The following RAPGEF6 variants were observed in gnomAD, a reference collection of about 807,000 sequenced individuals.
RAPGEF6 encodes the protein Rap guanine nucleotide exchange factor 6.
RAPGEF6 carries 56 observed loss-of-function variants against 171.4 expected under a neutral mutation model. The ratio of observed to expected loss-of-function variants is 0.33; its 90% CI spans 0.26 to 0.41. RAPGEF6 has a LOEUF of 0.41. Among genes scored for constraint, RAPGEF6 ranks in the 10% least tolerant of loss-of-function variants. RAPGEF6 has a pLI of 1.00. For synonymous variants in RAPGEF6, 692 were observed against 650.1 expected (o/e 1.06, Z -0.98); for missense variants, 1,674 against 1,921.4 (o/e 0.87, Z 2.41).
chr5:131,523,376 A>T (rs1183232002), intron 6 of RAPGEF6, among the ~76,000 whole-genome samples: 2 of 148,228 alleles, frequency 1.3e-5, no homozygotes, highest in African/African-American at 2.5e-5. Flanking sequence ...CTCACTGGTC[A>T]GAATTGGTCC....
chr5:131,511,621 T>C (rs1561524336), intron 7 of RAPGEF6, among the ~76,000 whole-genome samples: 1 of 151,728 alleles, frequency 6.6e-6, no homozygotes, highest in African/African-American at 2.4e-5. Context: ...CTGAACGCCC[T>C]GAATACCTGG....
At chr5:131,530,189 A>C (rs1242331267) in intron 6 of RAPGEF6, among the ~76,000 whole-genome samples, 5 of 151,836 alleles carry the variant, frequency 3.3e-5, no homozygotes, top group Admixed American at 3.3e-4. Flanking sequence ...CTACTAATAA[A>C]AGTAATTAAC....
chr5:131,621,003 A>G (rs1363753364), intron 1 of RAPGEF6, among the ~76,000 whole-genome samples: 2 of 152,210 alleles, frequency 1.3e-5, no homozygotes, highest in African/African-American at 4.8e-5. Context: ...CAATTCCTCC[A>G]GCTTCATCTA....
intron 19 of RAPGEF6, 51 bp downstream of exon 19, chr5:131,461,654 C>A: frequency 2.7e-6 from 4 of 1,489,082 alleles, no homozygotes; most frequent in Admixed American, 2.1e-5. Context: ...AAATCAGCTG[C>A]ATGTAATGAC....
intron 21 of RAPGEF6, chr5:131,447,458 A>G (rs1752792772): frequency 6.6e-6 from 1 of 152,066 alleles, no homozygotes; most frequent in African/African-American, 2.4e-5. Flanking sequence ...ATTCAAACAA[A>G]CTACAGCTTC....
At chr5:131,586,994 A>G (rs1580628995) in intron 4 of RAPGEF6, among the ~76,000 whole-genome samples, 1 of 152,310 alleles carries the variant, frequency 6.6e-6, no homozygotes, top group Middle Eastern at 3.4e-3. Context: ...TGCTGTGAGG[A>G]AGAGCCTGGC....
At chr5:131,434,697 G>A (rs1751914482) in intron 24 of RAPGEF6, among the ~76,000 whole-genome samples, 1 of 152,146 alleles carries the variant, frequency 6.6e-6, no homozygotes, top group Non-Finnish European at 1.5e-5. Flanking sequence ...GTTGTTCTGT[G>A]ACTTACTGCA....
chr5:131,472,260 A>G, intron 17 of RAPGEF6: 1 of 341,876 alleles, frequency 2.9e-6, no homozygotes, highest in Non-Finnish European at 5.8e-6. Flanking sequence ...TTTAGTAGAG[A>G]TGGTGTTTCA....
At chr5:131,476,188 C>T (rs1207640438) in intron 16 of RAPGEF6, among the ~76,000 whole-genome samples, 2 of 152,136 alleles carry the variant, frequency 1.3e-5, no homozygotes, top group Non-Finnish European at 2.9e-5. Flanking sequence ...ATTTAGGGTG[C>T]TCCAACTTTT....
At chr5:131,520,199 T>G (rs967750617) in intron 7 of RAPGEF6, among the ~76,000 whole-genome samples, 2 of 152,212 alleles carry the variant, frequency 1.3e-5, no homozygotes, top group African/African-American at 4.8e-5. Context: ...AGAACCAGTC[T>G]AAAATGCTTT....
At chr5:131,560,889 C>G (rs534993373) in intron 5 of RAPGEF6, among the ~76,000 whole-genome samples, 8 of 152,308 alleles carry the variant, frequency 5.3e-5, no homozygotes, top group African/African-American at 1.9e-4. Context: ...ATCAATCTGA[C>G]TATAGCACCA....
At chr5:131,584,307 A>G (rs1333990828) in intron 4 of RAPGEF6, among the ~76,000 whole-genome samples, 1 of 152,244 alleles carries the variant, frequency 6.6e-6, no homozygotes, top group African/African-American at 2.4e-5. Flanking sequence ...ATAGAATAAT[A>G]ATGAAACTGC....
At chr5:131,621,242 G>A (rs1025145046) in intron 1 of RAPGEF6, among the ~76,000 whole-genome samples, 1 of 152,140 alleles carries the variant, frequency 6.6e-6, no homozygotes, top group Non-Finnish European at 1.5e-5. Context: ...ATATAAAATG[G>A]TGTAGTATTT....
intron 4 of RAPGEF6, among the ~76,000 whole-genome samples, chr5:131,570,586 A>G (rs1762218697): frequency 6.6e-6 from 1 of 152,228 alleles, no homozygotes; most frequent in Admixed American, 6.5e-5. Flanking sequence ...GGATAGACAA[A>G]ATGCAGTATC....
At chr5:131,532,727 G>C (rs1759478997) in intron 6 of RAPGEF6, among the ~76,000 whole-genome samples, 1 of 151,432 alleles carries the variant, frequency 6.6e-6, no homozygotes, top group African/African-American at 2.4e-5. Context: ...TGCCGTAACA[G>C]GTTTGTCCTG....
rs1751357516 is a variant in RAPGEF6, at chr5:131,425,574, C to T, written c.*1692G>A. The T allele has an allele frequency of 6.6e-6, 1 of 152,294 alleles. No homozygotes were observed. Among genetic ancestry groups the T allele is most frequent in the Admixed American group, 6.5e-5 (1 of 15,284 alleles). The allele number at this position is 152,294 out of a possible 1,614,324, so 9.4% of individuals were successfully genotyped here. On this transcript the variant is annotated 3_prime_UTR_variant, in exon 28 of 28. Coordinates refer to ENST00000509018, the MANE Select transcript of RAPGEF6 (RefSeq NM_016340.6). Reference sequence around the variant, plus strand: ...TCATACCTGCGATTAATTTCTAAGGCTTAAGTTTCAGATTAATGTTTCTTT... The same window carrying T: ...TCATACCTGCGATTAATTTCTAAGGTTTAAGTTTCAGATTAATGTTTCTTT...
intron 16 of RAPGEF6, among the ~76,000 whole-genome samples, chr5:131,474,703 A>C (rs1248740361): frequency 6.6e-6 from 1 of 152,188 alleles, no homozygotes; most frequent in Non-Finnish European, 1.5e-5. Flanking sequence ...TTAGAGTTAA[A>C]TGTTCTAAGG....
chr5:131,436,049 T>A, intron 24 of RAPGEF6: 2 of 1,537,478 alleles, frequency 1.3e-6, no homozygotes, highest in Non-Finnish European at 1.7e-6. Flanking sequence ...GCACTCCCTT[T>A]CTCATCTTTG....
chr5:131,635,195 C>T lies in RAPGEF6; in HGVS notation c.-165G>A. 2 of 677,718 alleles carry T rather than the reference C, an allele frequency of 3.0e-6. No individual in the cohort carries two copies. Among genetic ancestry groups the T allele is most frequent in the Non-Finnish European group, 2.4e-6 (1 of 419,150 alleles). 42.0% of individuals were successfully genotyped at this position (677,718 alleles called of 1,614,324 possible). On this transcript the variant is annotated 5_prime_UTR_variant, in exon 1 of 28. Coordinates refer to ENST00000509018, the MANE Select transcript of RAPGEF6 (RefSeq NM_016340.6). ...AACCCTTCGCAACGCCCGCCTAAGG[C>T]CTCTACCCACGCGCGACTGGCCGGA...
Sources: allele counts gnomAD v4.1 joint callset (sites outside exome capture counted in the v4.1 genomes callset), GRCh38; gene constraint gnomAD v4.1.1; transcripts MANE v1.5; gene names NCBI Gene and HGNC (gene_info 2026-07-23, HGNC 2026-07-21).